The following INTS6 variants were observed in gnomAD, a reference collection of about 807,000 sequenced individuals.
The protein encoded by INTS6 is DEAD box protein.
INTS6 carries 16 observed loss-of-function variants against 104.9 expected under a neutral mutation model. The ratio of observed to expected loss-of-function variants is 0.15; its 90% CI spans 0.10 to 0.23. The LOEUF (loss-of-function observed/expected upper bound fraction) is 0.23. Ranked by LOEUF, INTS6 falls within the 10% of genes least tolerant of loss-of-function variation. The pLI is 1.00. For missense variants in INTS6, 584 were observed against 1,062.8 expected (o/e 0.55, Z 6.26); for synonymous variants, 324 against 358.7 (o/e 0.90, Z 1.09).
chr13:51,452,794 C>T lies in INTS6; in HGVS notation c.-269G>A, dbSNP rs1270854505. 2.5e-6 allele frequency: 3 copies of T among 1,199,138 alleles called. No individual in the cohort carries two copies. The highest frequency in any genetic ancestry group is 1.6e-5 in the African/African-American group (1 of 61,386). The allele number at this position is 1,199,138 out of a possible 1,614,324, so 74.3% of individuals were successfully genotyped here. ...CTGGGGCGGGCGCCCAGCCGTCTGT[C>T]TGTCGGTTCGTCCCCCCCGCCTCGG... On this transcript the variant is annotated 5_prime_UTR_variant, in exon 1 of 18. Coordinates refer to ENST00000311234, the MANE Select transcript of INTS6 (RefSeq NM_012141.3). The surrounding 1 kb of genome is among the most constrained non-coding windows in gnomAD (Gnocchi z 4.2).
intron 4 of INTS6, among the ~76,000 whole-genome samples, chr13:51,403,520 T>A (rs1234049770): frequency 7.3e-6 from 1 of 136,910 alleles, no homozygotes; most frequent in African/African-American, 2.8e-5. Context: ...AGGTGGAGGT[T>A]GCAGTGAGCC....
chr13:51,397,811 C>T (rs1008409976), intron 4 of INTS6, among the ~76,000 whole-genome samples: 9 of 150,862 alleles, frequency 6.0e-5, no homozygotes, highest in Admixed American at 4.0e-4. Context: ...AGGCACTGCG[C>T]GGACCACACA....
At chr13:51,430,623 T>C (rs1020261303) in intron 3 of INTS6, among the ~76,000 whole-genome samples, 11 of 152,190 alleles carry the variant, frequency 7.2e-5, no homozygotes, top group African/African-American at 2.7e-4. Flanking sequence ...CTTTATAAAT[T>C]TGTGTATTGC....
At chr13:51,413,414 G>C (rs1355209704) in intron 4 of INTS6, among the ~76,000 whole-genome samples, 3 of 152,036 alleles carry the variant, frequency 2.0e-5, no homozygotes, top group African/African-American at 7.2e-5. Context: ...TATTGTGATA[G>C]AGAATAATAA....
the INTS6 span, among the ~76,000 whole-genome samples, chr13:51,335,546 C>T: frequency 6.6e-6 from 1 of 152,114 alleles, no homozygotes; most frequent in Non-Finnish European, 1.5e-5. Flanking sequence ...TGTTCCAGAG[C>T]GTAGTGTGGA....
At chr13:51,342,461 G>C in the INTS6 span, among the ~76,000 whole-genome samples, 1 of 152,214 alleles carries the variant, frequency 6.6e-6, no homozygotes, top group Non-Finnish European at 1.5e-5. Context: ...TGAGTGTTTA[G>C]CACAATGTCT....
intron 3 of INTS6, chr13:51,439,174 T>G (rs1403108518): frequency 6.6e-6 from 1 of 152,230 alleles, no homozygotes; most frequent in Non-Finnish European, 1.5e-5. Flanking sequence ...TATTCAGAAC[T>G]GTTATCATGT....
the INTS6 span, among the ~76,000 whole-genome samples, chr13:51,334,664 A>G: frequency 6.6e-6 from 1 of 152,184 alleles, no homozygotes. Context: ...AATAGTAAAG[A>G]GCAGAACTTG....
At chr13:51,359,396 A>G (rs1289150531), downstream of INTS6, among the ~76,000 whole-genome samples, 2 of 152,124 alleles carry the variant, frequency 1.3e-5, no homozygotes, top group African/African-American at 4.8e-5. Flanking sequence ...ATAAAATTTA[A>G]AAGATGCTGA....
At chr13:51,389,113 A>G (rs1956199805) in intron 6 of INTS6, among the ~76,000 whole-genome samples, 1 of 152,222 alleles carries the variant, frequency 6.6e-6, no homozygotes, top group Non-Finnish European at 1.5e-5. Context: ...GGCAATAGAC[A>G]ATCATTAATA....
intron 3 of INTS6, among the ~76,000 whole-genome samples, chr13:51,435,501 A>T (rs944431328): frequency 2.0e-5 from 3 of 152,044 alleles, no homozygotes; most frequent in African/African-American, 7.2e-5. Flanking sequence ...TTAAAGCATA[A>T]AATCTCAATA....
In INTS6 at chr13:51,376,191, G is replaced by A. The variant is rs554036152; in HGVS notation, c.1603-17C>T. The A allele has an allele frequency of 7.0e-6, 11 of 1,578,104 alleles. No individual in the cohort carries two copies. The highest frequency in any genetic ancestry group is 2.4e-5 in the South Asian group (2 of 83,936). On this transcript the variant is annotated splice_polypyrimidine_tract_variant and intron_variant, in intron 12 of 17. Transcript: ENST00000311234. ...CTTCAAATCCTATTAAACAACATTC[G>A]AGGACAAAATTTATTGTCAAACATA...
At chr13:51,361,284 A>G, downstream of INTS6, 1 of 1,607,666 alleles carries the variant, frequency 6.2e-7, no homozygotes, top group Non-Finnish European at 8.5e-7. Context: ...TTAGGCCAAG[A>G]TGGCTTTTAT....
the INTS6 span, chr13:51,344,279 C>T: frequency 3.5e-5 from 56 of 1,613,806 alleles, no homozygotes; most frequent in East Asian, 9.6e-4. Flanking sequence ...TTCTTGCATG[C>T]TGTTTATGCC....
At position 51,429,714 on chromosome 13, in the gene INTS6, A is replaced by G. The variant is rs534187802; in HGVS notation, c.429+580T>C. Among the ~76,000 whole-genome samples the G allele has an allele frequency of 9.5e-4, 134 of 141,538 alleles. 1 individual carries two copies. The highest frequency in any genetic ancestry group is 1.8e-3 in the Non-Finnish European group (117 of 66,258). 92.9% of individuals were successfully genotyped at this position (141,538 alleles called of 152,430 possible). ...AGGAGGTGGAGGCTGCAGTGAGCCAAGATTGTGCCACTGCACTCTAGCCGG... is the reference window on the plus strand; with the variant it reads ...AGGAGGTGGAGGCTGCAGTGAGCCAGGATTGTGCCACTGCACTCTAGCCGG... On this transcript the variant is annotated intron_variant, in intron 4 of 17. Transcript: ENST00000311234.
chr13:51,428,861 CTTT>C (rs373774195), intron 4 of INTS6, among the ~76,000 whole-genome samples: 60 of 152,236 alleles, frequency 3.9e-4, no homozygotes, highest in African/African-American at 1.4e-3. Context: ...CCTAAATTCC[CTTT>C]ATTATCAACT....
At chr13:51,425,335 T>A (rs1416325630) in intron 4 of INTS6, among the ~76,000 whole-genome samples, 1 of 152,052 alleles carries the variant, frequency 6.6e-6, no homozygotes, top group Non-Finnish European at 1.5e-5. Context: ...ATCTATCCCA[T>A]GAAGTTACAA....
At chr13:51,379,637 GT>G in intron 10 of INTS6, 65 bp from the exon 11 acceptor site, 2 of 873,584 alleles carry the variant, frequency 2.3e-6, no homozygotes, top group South Asian at 2.2e-5. Flanking sequence ...TCCATGTATA[GT>G]CTGTCTTAAA....
chr13:51,433,581 T>C (rs772033357), intron 3 of INTS6, among the ~76,000 whole-genome samples: 1 of 152,216 alleles, frequency 6.6e-6, no homozygotes, highest in Non-Finnish European at 1.5e-5. Flanking sequence ...TAATCTACCA[T>C]GTAGCAGACT....
Sources: gnomAD v4.1 joint callset for allele counts (sites outside exome capture counted in the v4.1 genomes callset) on GRCh38, gnomAD v4.1.1 for gene constraint, Gnocchi (gnomAD v3.1) non-coding constraint, MANE v1.5 for transcripts, NCBI Gene and HGNC (gene_info 2026-07-23, HGNC 2026-07-21) for gene names.